The following MAGOH variants were observed in gnomAD, a reference collection of about 807,000 sequenced individuals.
MAGOH encodes protein mago nashi homolog.
MAGOH carries 3 observed loss-of-function variants against 20.9 expected under a neutral mutation model. That is an observed-to-expected ratio of 0.14 (90% CI 0.07 to 0.37). The LOEUF is 0.37. Among genes scored for constraint, MAGOH ranks in the 10% least tolerant of loss-of-function variants. The pLI is 1.00. For synonymous variants in MAGOH, 51 were observed against 61.0 expected, an observed-to-expected ratio of 0.84 and a Z score of 0.76; for missense variants, 66 against 178.1, an observed-to-expected ratio of 0.37 and a Z score of 3.58.
At position 53,233,454 on chromosome 1, in the gene MAGOH, T is replaced by C. The variant is rs80047352; in HGVS notation, c.258+88A>G. ...TGTCCATAGTAGTTAGTAAGTGAGATAGGCAACAAAAGCTTTAAGTGGAGG... is the reference window on the plus strand; with the variant it reads ...TGTCCATAGTAGTTAGTAAGTGAGACAGGCAACAAAAGCTTTAAGTGGAGG... On this transcript the variant is annotated intron_variant, in intron 3 of 4. Coordinates refer to ENST00000371470, the MANE Select transcript of MAGOH (RefSeq NM_002370.4). 5,644 of 813,258 alleles carry C rather than the reference T, an allele frequency of 6.9e-3. 33 individuals carry two copies. Among genetic ancestry groups the C allele is most frequent in the Non-Finnish European group, 7.8e-3 (3,757 of 482,448 alleles). 50.4% of individuals were successfully genotyped at this position (813,258 alleles called of 1,614,324 possible).
intron 4 of MAGOH, among the ~76,000 whole-genome samples, chr1:53,227,505 G>C (rs1027230475): frequency 1.3e-4 from 20 of 152,088 alleles, no homozygotes; most frequent in Admixed American, 1.2e-3. Context: ...CAATGAGCAT[G>C]TATTACTTTC....
chr1:53,229,901 A>T lies in MAGOH; in HGVS notation c.259-947T>A, dbSNP rs145065726. 2.7e-3 allele frequency among the ~76,000 whole-genome samples: 411 copies of T among 152,292 alleles called. 2 individuals are homozygous for T. Among genetic ancestry groups the T allele is most frequent in the African/African-American group, 9.4e-3 (389 of 41,570 alleles). ...ATCACTGTACTCCAGCTTGGGCAACAGAGTGAGACCCTGTCTCCAACAACA... is the reference window on the plus strand; with the variant it reads ...ATCACTGTACTCCAGCTTGGGCAACTGAGTGAGACCCTGTCTCCAACAACA... On this transcript the variant is annotated intron_variant, in intron 3 of 4. Coordinates refer to ENST00000371470, the MANE Select transcript of MAGOH (RefSeq NM_002370.4).
chr1:53,235,871 G>T (rs759291428), intron 1 of MAGOH, among the ~76,000 whole-genome samples: 4 of 152,214 alleles, frequency 2.6e-5, no homozygotes, highest in South Asian at 2.1e-4. Flanking sequence ...CAGCTCAGGT[G>T]GGGTATAAAC....
intron 4 of MAGOH, among the ~76,000 whole-genome samples, chr1:53,227,681 C>G (rs574297911): frequency 6.6e-6 from 1 of 152,194 alleles, no homozygotes; most frequent in East Asian, 1.9e-4. Flanking sequence ...GCTAGGATTA[C>G]AGGCATGCAC....
chr1:53,227,922 A>C (rs935270718), intron 4 of MAGOH, among the ~76,000 whole-genome samples: 1 of 152,194 alleles, frequency 6.6e-6, no homozygotes, highest in African/African-American at 2.4e-5. Flanking sequence ...CTGGCTAAGA[A>C]GAGTGTCCAA....
chr1:53,227,917 TAAG>T (rs1236739834), intron 4 of MAGOH, among the ~76,000 whole-genome samples: 2 of 152,230 alleles, frequency 1.3e-5, no homozygotes, highest in South Asian at 4.1e-4. Flanking sequence ...CATCACTGGC[TAAG>T]AAGAGTGTCC....
At chr1:53,233,774 G>A (rs1470609337) in intron 2 of MAGOH, 122 bp from the exon 3 acceptor site, 1 of 695,076 alleles carries the variant, frequency 1.4e-6, no homozygotes, top group African/African-American at 1.8e-5. Context: ...CCTTAAGTGG[G>A]AAGACATTCA....
chr1:53,227,221 T>C, intron 4 of MAGOH, 77 bp from the exon 5 acceptor site: 3 of 682,784 alleles, frequency 4.4e-6, no homozygotes, highest in Non-Finnish European at 7.3e-6. Context: ...AAAGACTATA[T>C]ATTAAAACGG....
chr1:53,238,190 GGATA>G (rs763663390), intron 1 of MAGOH, among the ~76,000 whole-genome samples, 167 bp downstream of exon 1: 10 of 152,184 alleles, frequency 6.6e-5, no homozygotes, highest in Non-Finnish European at 1.2e-4. Context: ...TTTGCTGAAT[GGATA>G]GAAAGACCCC....
chr1:53,232,876 G>A (rs556395163), intron 3 of MAGOH, among the ~76,000 whole-genome samples: 3 of 152,326 alleles, frequency 2.0e-5, no homozygotes, highest in East Asian at 1.9e-4. Flanking sequence ...TAAGGCAGGC[G>A]GATCACCTGA....
chr1:53,236,736 A>G (rs1174708269), intron 1 of MAGOH, among the ~76,000 whole-genome samples: 1 of 152,144 alleles, frequency 6.6e-6, no homozygotes. Flanking sequence ...ATCACTGCTT[A>G]CAAATCTATC....
At chr1:53,234,663 C>T (rs1047778468) in intron 2 of MAGOH, among the ~76,000 whole-genome samples, 2 of 152,048 alleles carry the variant, frequency 1.3e-5, no homozygotes, top group East Asian at 1.9e-4. Context: ...TGTGAGTCAC[C>T]GCGCCCGGCC....
intron 1 of MAGOH, 21 bp downstream of exon 1, chr1:53,238,340 C>T (rs757258002): frequency 1.9e-6 from 3 of 1,613,452 alleles, no homozygotes; most frequent in Non-Finnish European, 2.5e-6. Context: ...CCGCTCCCGG[C>T]GGGCGGCAGG....
chr1:53,228,828 C>T, intron 4 of MAGOH, 44 bp downstream of exon 4: 7 of 1,438,328 alleles, frequency 4.9e-6, no homozygotes, highest in Non-Finnish European at 4.9e-6. Flanking sequence ...TATCAATCTG[C>T]TCCAAAACAG....
chr1:53,234,878 T>A (rs1047609065), intron 2 of MAGOH, among the ~76,000 whole-genome samples: 1 of 152,176 alleles, frequency 6.6e-6, no homozygotes, highest in African/African-American at 2.4e-5. Flanking sequence ...GAAGCCTTAA[T>A]GATGTAGTAG....
intron 4 of MAGOH, among the ~76,000 whole-genome samples, chr1:53,228,634 C>T (rs1369995204): frequency 2.0e-5 from 3 of 152,112 alleles, no homozygotes; most frequent in Admixed American, 6.6e-5. Context: ...ATGCATTAAT[C>T]TATATGTGTG....
In MAGOH at chr1:53,226,932, T is replaced by C; in HGVS notation, c.*113A>G. 1.6e-6 allele frequency: 1 copy of C among 628,796 alleles called. No individual in the cohort carries two copies. Among genetic ancestry groups the C allele is most frequent in the South Asian group, 2.0e-5 (1 of 49,048 alleles). 39.0% of individuals were successfully genotyped at this position (628,796 alleles called of 1,614,324 possible). ...CTTTATAAAATAATAAAAATTGGAT[T>C]TTATCACATATTTATTAAAGACAAT... On this transcript the variant is annotated 3_prime_UTR_variant, in exon 5 of 5. Transcript: ENST00000371470.
chr1:53,237,400 C>A (rs72673135), intron 1 of MAGOH, among the ~76,000 whole-genome samples: 38,990 of 150,406 alleles, frequency 0.26, 5,985 homozygotes, highest in East Asian at 0.44. Context: ...CCCGGCCGGG[C>A]GCGGTGGCTC....
intron 3 of MAGOH, among the ~76,000 whole-genome samples, chr1:53,231,245 C>T (rs1373327159): frequency 8.5e-5 from 13 of 152,150 alleles, no homozygotes; most frequent in Admixed American, 7.2e-4. Flanking sequence ...CATTCTGCCA[C>T]GGGACAGTCT....
Sources: gnomAD v4.1 joint callset for allele counts (sites outside exome capture counted in the v4.1 genomes callset) on GRCh38, gnomAD v4.1.1 for gene constraint, MANE v1.5 for transcripts, NCBI Gene and HGNC (gene_info 2026-07-23, HGNC 2026-07-21) for gene names.